Variants in CPAP observed in about 807,000 individuals in gnomAD.
CPAP encodes the protein centrosomal P4.1-associated protein.
chr13:24,896,182 C>T, the CPAP span, among the ~76,000 whole-genome samples: 1 of 152,298 alleles, frequency 6.6e-6, no homozygotes, highest in East Asian at 1.9e-4. Context: ...ATAATGAATA[C>T]CCAGGGTTAC....
chr13:24,903,794 G>A, the CPAP span: 3 of 1,043,692 alleles, frequency 2.9e-6, no homozygotes, highest in South Asian at 1.3e-5. Context: ...AAACTTATAT[G>A]ATACAGATTT....
the CPAP span, chr13:24,882,333 T>C: frequency 6.6e-6 from 1 of 151,602 alleles, no homozygotes; most frequent in African/African-American, 2.4e-5. Context: ...AATTGATAGA[T>C]TTCATTAACA....
chr13:24,929,139 C>CT, the CPAP span, among the ~76,000 whole-genome samples: 108 of 152,356 alleles, frequency 7.1e-4, no homozygotes, highest in African/African-American at 2.5e-3. Flanking sequence ...TCACAACTCA[C>CT]TGTAGCCTCA....
the CPAP span, chr13:24,906,127 AC>A: frequency 1.9e-6 from 3 of 1,613,098 alleles, no homozygotes; most frequent in Non-Finnish European, 2.5e-6. Context: ...CCAAATCCTC[AC>A]TGCGGTTACA....
At chr13:24,915,497 G>A in the CPAP span, among the ~76,000 whole-genome samples, 5 of 152,180 alleles carry the variant, frequency 3.3e-5, no homozygotes, top group Non-Finnish European at 7.3e-5. Context: ...ATGAGGGATT[G>A]AGGGTAGTCA....
the CPAP span, chr13:24,913,029 A>C: frequency 6.2e-7 from 1 of 1,612,162 alleles, no homozygotes; most frequent in Non-Finnish European, 8.5e-7. Flanking sequence ...GGAACATCTT[A>C]GTCCAATGAC....
the CPAP span, among the ~76,000 whole-genome samples, chr13:24,923,249 T>G: frequency 1.2e-3 from 175 of 151,980 alleles, 4 homozygotes; most frequent in East Asian, 0.017. Flanking sequence ...GTTTTGTTTT[T>G]TTTTTTTCTA....
chr13:24,883,940 C>T, the CPAP span: 92 of 1,614,008 alleles, frequency 5.7e-5, 1 homozygote, highest in Middle Eastern at 6.6e-4. Context: ...AGTGGTTTTT[C>T]TGTGAACATA....
At chr13:24,913,811 C>T in the CPAP span, among the ~76,000 whole-genome samples, 199 of 152,374 alleles carry the variant, frequency 1.3e-3, no homozygotes, top group African/African-American at 4.4e-3. Flanking sequence ...TACATTGGCT[C>T]ATGCCATAAC....
the CPAP span, chr13:24,905,317 G>A: frequency 5.0e-6 from 8 of 1,596,568 alleles, no homozygotes; most frequent in Non-Finnish European, 6.9e-6. Context: ...CTAACATTCT[G>A]ATACATATTT....
chr13:24,909,762 A>G, the CPAP span: 3 of 1,594,180 alleles, frequency 1.9e-6, no homozygotes, highest in Non-Finnish European at 2.6e-6. Flanking sequence ...CACTATAAGC[A>G]CAGAAGAGAG....
chr13:24,909,011 T>C, the CPAP span, among the ~76,000 whole-genome samples: 7 of 152,162 alleles, frequency 4.6e-5, no homozygotes, highest in African/African-American at 1.7e-4. Flanking sequence ...GATATACATG[T>C]AAAAGATATA....
chr13:24,918,353 TAA>T, the CPAP span, among the ~76,000 whole-genome samples: 2 of 152,200 alleles, frequency 1.3e-5, no homozygotes, highest in African/African-American at 2.4e-5. Context: ...CAATTTTTTA[TAA>T]GTTTATTCTC....
the CPAP span, chr13:24,906,524 T>G: frequency 6.2e-7 from 1 of 1,614,234 alleles, no homozygotes; most frequent in Non-Finnish European, 8.5e-7. Flanking sequence ...TTTTGGACAC[T>G]CAGTTACATT....
the CPAP span, chr13:24,905,347 A>C: frequency 6.2e-7 from 1 of 1,613,522 alleles, no homozygotes; most frequent in Non-Finnish European, 8.5e-7. Context: ...CTGACTCACC[A>C]GGTGGTTGGT....
the CPAP span, among the ~76,000 whole-genome samples, chr13:24,915,673 C>T: frequency 1.2e-4 from 19 of 152,052 alleles, no homozygotes; most frequent in African/African-American, 4.1e-4. Context: ...GGTGTGGTGG[C>T]GGGAGCCTGT....
At chr13:24,917,345 A>G in the CPAP span, among the ~76,000 whole-genome samples, 1 of 152,256 alleles carries the variant, frequency 6.6e-6, no homozygotes, top group Non-Finnish European at 1.5e-5. Flanking sequence ...AAATGTGGCT[A>G]ATGTGACTGA....
the CPAP span, among the ~76,000 whole-genome samples, chr13:24,894,124 C>T: frequency 6.6e-6 from 1 of 151,954 alleles, no homozygotes; most frequent in East Asian, 1.9e-4. Flanking sequence ...AAGTAAATGG[C>T]AGGAGGACTG....
At chr13:24,923,779 TCTAAATCAA>T in the CPAP span, among the ~76,000 whole-genome samples, 1,049 of 152,360 alleles carry the variant, frequency 6.9e-3, 10 homozygotes, top group Admixed American at 0.019. Flanking sequence ...AGTCTACTTC[TCTAAATCAA>T]GATTTCGGTT....
Sources: allele counts gnomAD v4.1 joint callset (sites outside exome capture counted in the v4.1 genomes callset), GRCh38; gene constraint gnomAD v4.1.1; transcripts MANE v1.5; gene names NCBI Gene and HGNC (gene_info 2026-07-23, HGNC 2026-07-21).